The following NKAIN3 variants were observed in gnomAD, a reference collection of about 807,000 sequenced individuals.
NKAIN3 encodes the protein sodium/potassium transporting ATPase interacting 3.
NKAIN3 carries 25 observed loss-of-function variants against 30.2 expected under a neutral mutation model. That is an observed-to-expected ratio of 0.83 (90% CI 0.60 to 1.16). The LOEUF (loss-of-function observed/expected upper bound fraction) is 1.16. Among genes scored for constraint, NKAIN3 ranks in the 50% most tolerant of loss-of-function variants. The probability of loss-of-function intolerance (pLI) is 0.00; values close to 1 mark genes in which losing one functional copy is unlikely to be tolerated. For synonymous variants in NKAIN3, 91 were observed against 89.6 expected (o/e 1.02, Z -0.09); for missense variants, 225 against 254.1 (o/e 0.89, Z 0.78).
chr8:62,827,957 G>A (rs1819075585), intron 4 of NKAIN3, among the ~76,000 whole-genome samples: 1 of 152,040 alleles, frequency 6.6e-6, no homozygotes, highest in Non-Finnish European at 1.5e-5. Context: ...ATGAAGTTCT[G>A]CACATGAAAG....
intron 4 of NKAIN3, among the ~76,000 whole-genome samples, chr8:62,899,955 A>G (rs1821553062): frequency 6.6e-6 from 1 of 152,018 alleles, no homozygotes; most frequent in African/African-American, 2.4e-5. Flanking sequence ...CAGGTACACT[A>G]AAATTTCAGA....
chr8:62,514,825 G>T (rs1446458869), intron 1 of NKAIN3, among the ~76,000 whole-genome samples: 1 of 152,088 alleles, frequency 6.6e-6, no homozygotes, highest in East Asian at 1.9e-4. Context: ...CTTCTCTCCT[G>T]AATCGTCAAC....
intron 1 of NKAIN3, among the ~76,000 whole-genome samples, chr8:62,453,493 C>T (rs1288471892): frequency 2.6e-5 from 4 of 151,562 alleles, no homozygotes; most frequent in African/African-American, 9.7e-5. Context: ...GTAAACCAGC[C>T]CCAGGTCTAA....
At position 62,511,996 on chromosome 8, in the gene NKAIN3, G is replaced by T. The variant is rs539493094; in HGVS notation, c.55-67543G>T. On this transcript the variant is annotated intron_variant, in intron 1 of 6. Coordinates refer to ENST00000623646, the MANE Select transcript of NKAIN3 (RefSeq NM_001304533.3). ...AGTCATCTCTGTAAGAGCAGCAGCT[G>T]GGGCTATTTTGCTGATGTTTTTATT... is the stretch of plus-strand genomic sequence containing the variant. Among the ~76,000 whole-genome samples, 3 of 152,256 alleles carry T rather than the reference G, an allele frequency of 2.0e-5. No individual in the cohort carries two copies. In the South Asian group the frequency reaches 6.2e-4, roughly 32 times the overall value.
intron 1 of NKAIN3, among the ~76,000 whole-genome samples, chr8:62,494,246 A>G (rs1327611603): frequency 6.6e-6 from 1 of 152,082 alleles, no homozygotes; most frequent in Non-Finnish European, 1.5e-5. Flanking sequence ...GTTGAATTTT[A>G]TGGAAAGCCT....
chr8:62,405,188 C>T (rs1329704020), intron 1 of NKAIN3, among the ~76,000 whole-genome samples: 2 of 152,052 alleles, frequency 1.3e-5, no homozygotes, highest in Non-Finnish European at 2.9e-5. Flanking sequence ...AGGGAAAGAG[C>T]CTCTCCTGGA....
intron 4 of NKAIN3, among the ~76,000 whole-genome samples, chr8:62,887,698 T>G (rs961809704): frequency 6.6e-6 from 1 of 152,216 alleles, no homozygotes; most frequent in Non-Finnish European, 1.5e-5. Context: ...TTATTTCTTA[T>G]ACAATGTTTT....
At chr8:62,432,674 A>G (rs1489335683) in intron 1 of NKAIN3, among the ~76,000 whole-genome samples, 2 of 152,106 alleles carry the variant, frequency 1.3e-5, no homozygotes, top group African/African-American at 2.4e-5. Flanking sequence ...TAAACCCCTT[A>G]GCCTGGATCA....
At position 62,667,349 on chromosome 8, in the gene NKAIN3, ATATATATATC is replaced by A. The variant is rs1563507986; in HGVS notation, c.273+77557_273+77566del. Among the ~76,000 whole-genome samples, 149 of 72,272 alleles carry A rather than the reference ATATATATATC, an allele frequency of 2.1e-3. 3 individuals are homozygous for A. Among genetic ancestry groups the A allele is most frequent in the African/African-American group, 0.013 (142 of 11,222 alleles). The allele number at this position is 72,272 out of a possible 152,430, so 47.4% of individuals were successfully genotyped here. On this transcript the variant is annotated intron_variant, in intron 3 of 6. Transcript: ENST00000623646. Reference sequence around the variant, plus strand: ...TATATTCTTTATATATATATTCTTTATATATATATCTGTATATATATATATAAATATATAT... The same window carrying A: ...TATATTCTTTATATATATATTCTTTATGTATATATATATATAAATATATAT...
At chr8:62,739,275 A>T (rs5005633) in intron 3 of NKAIN3, among the ~76,000 whole-genome samples, 8,452 of 150,406 alleles carry the variant, frequency 0.056, 315 homozygotes, top group African/African-American at 0.11. Context: ...ACGAAAAAAA[A>T]AAATATATAT....
intron 3 of NKAIN3, among the ~76,000 whole-genome samples, chr8:62,602,355 T>C (rs777860145): frequency 6.6e-6 from 1 of 152,114 alleles, no homozygotes; most frequent in African/African-American, 2.4e-5. Context: ...GTATTTTATC[T>C]TTTCTTCTTC....
intron 4 of NKAIN3, among the ~76,000 whole-genome samples, chr8:62,889,036 AAAAAT>A (rs1343326433): frequency 2.0e-5 from 3 of 152,192 alleles, no homozygotes; most frequent in African/African-American, 7.2e-5. Flanking sequence ...AGTTACAAAG[AAAAAT>A]AAAATAAAGT....
At chr8:62,880,716 C>T (rs546188887) in intron 4 of NKAIN3, among the ~76,000 whole-genome samples, 7 of 152,304 alleles carry the variant, frequency 4.6e-5, no homozygotes, top group African/African-American at 7.2e-5. Context: ...TAGGCATCTT[C>T]CCTATGGGGA....
chr8:62,335,865 C>T (rs1352263830), intron 1 of NKAIN3, among the ~76,000 whole-genome samples: 1 of 152,040 alleles, frequency 6.6e-6, no homozygotes, highest in Non-Finnish European at 1.5e-5. Context: ...AAGCCATGTA[C>T]ACATTTGGTT....
At chr8:62,298,834 T>C (rs1414014580) in intron 1 of NKAIN3, among the ~76,000 whole-genome samples, 1 of 149,552 alleles carries the variant, frequency 6.7e-6, no homozygotes, top group Admixed American at 6.7e-5. Context: ...CCATAATACA[T>C]ATATTAATAA....
Position 62,965,620 on chromosome 8 carries a change from T to TAAAAAA in NKAIN3, c.*224_*229dup. 5 of 885,912 alleles carry TAAAAAA rather than the reference T, an allele frequency of 5.6e-6. No homozygotes were observed. The highest frequency in any genetic ancestry group is 5.2e-5 in the South Asian group (1 of 19,082). 54.9% of individuals were successfully genotyped at this position (885,912 alleles called of 1,614,324 possible). A position where few individuals can be genotyped will look rare whatever the true frequency, so the allele number is the denominator to read the frequency against. ...TTCTTATATGAACACTTGTAAGTTGTAAAAAAAAAAAAAAAAGAAAAAACA... is the reference window on the plus strand; with the variant it reads ...TTCTTATATGAACACTTGTAAGTTGTAAAAAAAAAAAAAAAAAAAAAAGAAAAAACA... On this transcript the variant is annotated 3_prime_UTR_variant, in exon 7 of 7. Transcript: ENST00000623646.
intron 3 of NKAIN3, among the ~76,000 whole-genome samples, chr8:62,701,544 C>T (rs1814333567): frequency 6.6e-6 from 1 of 152,122 alleles, no homozygotes; most frequent in Admixed American, 6.5e-5. Flanking sequence ...CCCTCCTGCG[C>T]TCAGTTTATG....
chr8:62,604,264 T>A (rs1350960898), intron 3 of NKAIN3, among the ~76,000 whole-genome samples: 1 of 152,108 alleles, frequency 6.6e-6, no homozygotes, highest in African/African-American at 2.4e-5. Flanking sequence ...AATCCGAGTG[T>A]CTGATAACAA....
chr8:62,512,182 A>G (rs1224285969), intron 1 of NKAIN3, among the ~76,000 whole-genome samples: 1 of 152,128 alleles, frequency 6.6e-6, no homozygotes, highest in Non-Finnish European at 1.5e-5. Context: ...TTATCTATGA[A>G]GATTGCTAAA....
Sources: allele counts gnomAD v4.1 joint callset (sites outside exome capture counted in the v4.1 genomes callset), GRCh38; gene constraint gnomAD v4.1.1; transcripts MANE v1.5; gene names NCBI Gene and HGNC (gene_info 2026-07-23, HGNC 2026-07-21).